Variants in MOXD1 observed in about 807,000 individuals in gnomAD.
MOXD1 encodes monooxygenase DBH like 1, also known as DBH-like monooxygenase protein 1.
Under a neutral mutation model 66.6 loss-of-function variants are expected in MOXD1, and 62 were observed. The ratio of observed to expected loss-of-function variants is 0.93; its 90% CI spans 0.76 to 1.15. The LOEUF is 1.15. Among genes scored for constraint, MOXD1 ranks in the 50% most tolerant of loss-of-function variants. MOXD1 has a pLI of 0.00. For synonymous variants in MOXD1, 303 were observed against 281.9 expected (o/e 1.07, Z -0.75); for missense variants, 847 against 754.6 (o/e 1.12, Z -1.44).
At chr6:132,321,270 A>C (rs1159092674) in intron 8 of MOXD1, among the ~76,000 whole-genome samples, 1 of 151,872 alleles carries the variant, frequency 6.6e-6, no homozygotes, top group Non-Finnish European at 1.5e-5. Flanking sequence ...TCTCAAAAAA[A>C]AAAAGTCCTT....
Position 132,381,432 on chromosome 6 carries a change from A to T in MOXD1, c.265-6655T>A, listed in dbSNP as rs74298504. Among the ~76,000 whole-genome samples, 4 of 152,302 alleles carry T rather than the reference A, an allele frequency of 2.6e-5. No individual in the cohort carries two copies. In the East Asian group the frequency reaches 7.7e-4, roughly 29 times the overall value. On this transcript the variant is annotated intron_variant, in intron 1 of 11. Transcript: ENST00000367963. ...TTGGCCAATCTTAAAAGCACAATTA[A>T]ATGAAGTAAAAGAAGAGAAAAAGGC...
chr6:132,319,772 T>C lies in MOXD1; in HGVS notation c.1365+857A>G, dbSNP rs141852173. Among the ~76,000 whole-genome samples, 447 of 152,152 alleles carry C rather than the reference T, an allele frequency of 2.9e-3. 1 individual carries two copies. The highest frequency in any genetic ancestry group is 0.01 in the African/African-American group (432 of 41,552). On this transcript the variant is annotated intron_variant, in intron 9 of 11. Coordinates refer to ENST00000367963, the MANE Select transcript of MOXD1 (RefSeq NM_015529.4). Reference sequence around the variant, plus strand: ...ATTTCATTTAATTTAATATTTGCTATAGCTTTTTCATAGCTAACTTCTACC... The same window carrying C: ...ATTTCATTTAATTTAATATTTGCTACAGCTTTTTCATAGCTAACTTCTACC...
chr6:132,380,797 A>G (rs935994779), intron 1 of MOXD1, among the ~76,000 whole-genome samples: 12 of 152,192 alleles, frequency 7.9e-5, no homozygotes, highest in Non-Finnish European at 2.9e-5. Flanking sequence ...CATGGTTAAG[A>G]CCGGATATGG....
At chr6:132,357,350 G>T (rs1266595284) in intron 4 of MOXD1, among the ~76,000 whole-genome samples, 1 of 152,102 alleles carries the variant, frequency 6.6e-6, no homozygotes, top group East Asian at 1.9e-4. Flanking sequence ...ACTGAAAAAA[G>T]AACTTAGTTC....
intron 4 of MOXD1, among the ~76,000 whole-genome samples, chr6:132,370,144 G>A (rs998643844): frequency 2.6e-5 from 4 of 152,026 alleles, no homozygotes; most frequent in African/African-American, 9.7e-5. Context: ...GTGATTTATG[G>A]AACATAAAAT....
chr6:132,303,386 G>T (rs183563303), intron 10 of MOXD1, among the ~76,000 whole-genome samples: 5 of 152,108 alleles, frequency 3.3e-5, no homozygotes, highest in Admixed American at 2.0e-4. Context: ...TTGCCCCTTG[G>T]TATCCATGGG....
At chr6:132,386,630 C>T (rs1468407670) in intron 1 of MOXD1, among the ~76,000 whole-genome samples, 1 of 151,220 alleles carries the variant, frequency 6.6e-6, no homozygotes, top group Non-Finnish European at 1.5e-5. Context: ...AGTGTAAATG[C>T]AAAGTAATTT....
chr6:132,398,124 C>T (rs1292055434), intron 1 of MOXD1, among the ~76,000 whole-genome samples: 1 of 152,178 alleles, frequency 6.6e-6, no homozygotes, highest in Non-Finnish European at 1.5e-5. Context: ...ATTTATCTCC[C>T]ACTTATAAGT....
rs1453531071 is a variant in MOXD1, at chr6:132,315,696, T to A, written c.1447A>T (p.Ile483Phe). Residue 483 changes from isoleucine to phenylalanine, a missense_variant, in exon 10 of 12, where the codon ATT becomes TTT. Physicochemically the swap from Ile to Phe is conservative, Grantham distance 21 (BLOSUM62 0). Transcript: ENST00000367963. Reference sequence around the variant, plus strand: ...TGAAGTTGTTCCATAATGTCTGGAATACTTGCACATCGAGTAAGATTAATT... The same window carrying A: ...TGAAGTTGTTCCATAATGTCTGGAAAACTTGCACATCGAGTAAGATTAATT... ...PRINLTRCAS[I>F]PDIMEQLQFI... 16 of 1,613,592 alleles carry A rather than the reference T, an allele frequency of 9.9e-6. No individual in the cohort carries two copies. The highest frequency in any genetic ancestry group is 1.7e-4 in the Middle Eastern group (1 of 6,056).
chr6:132,392,799 C>T (rs72994859), intron 1 of MOXD1, among the ~76,000 whole-genome samples: 30,688 of 152,188 alleles, frequency 0.2, 3,277 homozygotes, highest in Middle Eastern at 0.26. Context: ...TCTTTTCTTT[C>T]CCATCTTGAT....
intron 11 of MOXD1, 58 bp from the exon 12 acceptor site, chr6:132,297,375 C>T (rs923492176): frequency 7.8e-5 from 122 of 1,554,392 alleles, no homozygotes; most frequent in Middle Eastern, 3.4e-4. Context: ...AGCACAGTGA[C>T]CAGGCCGCTC....
chr6:132,326,774 C>T (rs947920389), intron 6 of MOXD1, among the ~76,000 whole-genome samples: 1 of 152,066 alleles, frequency 6.6e-6, no homozygotes, highest in African/African-American at 2.4e-5. Flanking sequence ...AAACTATTTC[C>T]TATTAATTAC....
intron 9 of MOXD1, 31 bp from the exon 10 acceptor site, chr6:132,315,808 T>G (rs1342294361): frequency 6.2e-7 from 1 of 1,608,234 alleles, no homozygotes; most frequent in Admixed American, 1.7e-5. Flanking sequence ...TAGCAAAGTA[T>G]GTGTTCTACC....
rs147859674 is a variant in MOXD1 at position 132,334,384 on chromosome 6, A to C, written c.664-5790T>G. Among the ~76,000 whole-genome samples the C allele has an allele frequency of 3.3e-5, 5 of 152,164 alleles. No individual in the cohort carries two copies. The East Asian group carries it at 9.7e-4, about 29-fold the overall frequency. ...CCTGTTAGCTCTTTCACACTTTTCCAGTTGCTCAGCCAGCCATTTTCTCCT... is the reference window on the plus strand; with the variant it reads ...CCTGTTAGCTCTTTCACACTTTTCCCGTTGCTCAGCCAGCCATTTTCTCCT... On this transcript the variant is annotated intron_variant, in intron 4 of 11. Transcript: ENST00000367963.
chr6:132,309,574 G>GA (rs1774777214), intron 10 of MOXD1, among the ~76,000 whole-genome samples: 1 of 152,130 alleles, frequency 6.6e-6, no homozygotes, highest in African/African-American at 2.4e-5. Context: ...ACAATCCTAA[G>GA]CAAAAAGAAC....
rs1014692554 is a variant in MOXD1 at position 132,392,272 on chromosome 6, C to T, written c.264+8891G>A. The T allele has an allele frequency of 1.9e-6, 3 of 1,603,240 alleles. No homozygotes were observed. The Admixed American group carries it at 5.1e-5, about 27-fold the overall frequency. On this transcript the variant is annotated intron_variant, in intron 1 of 11. Transcript: ENST00000367963. ...TGCTGAAGACACTTCGCATCACAGG[C>T]CTCAGTTTTTGAGACAAGCAAGCAA... is the stretch of plus-strand genomic sequence containing the variant.
chr6:132,375,203 G>A (rs1424224594), intron 1 of MOXD1: 2 of 202,114 alleles, frequency 9.9e-6, no homozygotes, highest in Non-Finnish European at 2.0e-5. Flanking sequence ...AACTCCTGGT[G>A]GAGCCCCACT....
chr6:132,326,307 G>A (rs1429363884), intron 6 of MOXD1, among the ~76,000 whole-genome samples: 5 of 151,750 alleles, frequency 3.3e-5, no homozygotes, highest in Admixed American at 3.3e-4. Context: ...AAAATCCTGA[G>A]TTCTCTATTA....
intron 1 of MOXD1, among the ~76,000 whole-genome samples, chr6:132,379,539 A>G (rs889289167): frequency 6.6e-6 from 1 of 152,206 alleles, no homozygotes; most frequent in East Asian, 1.9e-4. Context: ...CCCTGACTCT[A>G]TTTTCACCTC....
Sources: gnomAD v4.1 joint callset for allele counts (sites outside exome capture counted in the v4.1 genomes callset) on GRCh38, gnomAD v4.1.1 for gene constraint, MANE v1.5 for transcripts, NCBI Gene and HGNC (gene_info 2026-07-23, HGNC 2026-07-21) for gene names.